PDE3A: variants seen among roughly 807,000 people sequenced by gnomAD.
PDE3A encodes the protein phosphodiesterase 3A.
Under a neutral mutation model 98.3 loss-of-function variants are expected in PDE3A, and 43 were observed. The observed-to-expected ratio is 0.44, with a 90% CI of 0.34 to 0.56. The LOEUF is 0.56. PDE3A is among the 20% of genes least tolerant of loss of function. PDE3A has a pLI of 0.01. For synonymous variants in PDE3A, 663 were observed against 567.9 expected (o/e 1.17, Z -2.38); for missense variants, 1,427 against 1,440.7 (o/e 0.99, Z 0.15).
chr12:20,511,366 G>A (rs1463854667), intron 1 of PDE3A, among the ~76,000 whole-genome samples: 3 of 151,494 alleles, frequency 2.0e-5, no homozygotes, highest in Non-Finnish European at 4.4e-5. Flanking sequence ...AGGAATATAC[G>A]AGAAAAGCTT....
chr12:20,606,660 A>C (rs1477935806), intron 2 of PDE3A, among the ~76,000 whole-genome samples: 1 of 151,818 alleles, frequency 6.6e-6, no homozygotes. Context: ...GGAGTTTGAG[A>C]CCAGCCTAAC....
chr12:20,419,054 T>G (rs1944469419), intron 1 of PDE3A, among the ~76,000 whole-genome samples: 1 of 152,132 alleles, frequency 6.6e-6, no homozygotes, highest in East Asian at 1.9e-4. Context: ...TTCAGATATA[T>G]GTCTGTATAT....
intron 1 of PDE3A, among the ~76,000 whole-genome samples, chr12:20,492,397 C>T (rs571401665): frequency 3.1e-3 from 41 of 13,184 alleles, no homozygotes; most frequent in East Asian, 0.012. Flanking sequence ...TGTCTGGGTT[C>T]GAATCCTGTC....
chr12:20,659,683 T>TAAGA (rs1160559593), intron 15 of PDE3A, among the ~76,000 whole-genome samples: 2 of 152,176 alleles, frequency 1.3e-5, no homozygotes, highest in African/African-American at 4.8e-5. Context: ...GTGATCCTCT[T>TAAGA]GCTTCAGCCT....
intron 1 of PDE3A, among the ~76,000 whole-genome samples, chr12:20,455,602 G>A (rs1233960219): frequency 6.6e-6 from 1 of 152,078 alleles, no homozygotes; most frequent in East Asian, 1.9e-4. Flanking sequence ...TGTTTGTTAT[G>A]GAATTCAGTA....
chr12:20,531,442 A>G (rs549316562), intron 1 of PDE3A, among the ~76,000 whole-genome samples: 1 of 152,306 alleles, frequency 6.6e-6, no homozygotes, highest in East Asian at 1.9e-4. Flanking sequence ...ATCACAATAT[A>G]AGTAGATTTC....
intron 1 of PDE3A, among the ~76,000 whole-genome samples, chr12:20,447,936 C>T (rs933905008): frequency 1.3e-5 from 2 of 152,076 alleles, no homozygotes; most frequent in Non-Finnish European, 2.9e-5. Flanking sequence ...TTAGACGATG[C>T]TCAGCTGGTG....
chr12:20,431,594 AACACACAC>A (rs35221225), intron 1 of PDE3A, among the ~76,000 whole-genome samples: 60 of 146,856 alleles, frequency 4.1e-4, no homozygotes, highest in Admixed American at 8.1e-4. Context: ...TAGTCAGGAA[AACACACAC>A]ACACACACAC....
rs1565483032 is a variant in PDE3A, at chr12:20,686,400, A to G, written c.*6129A>G. On this transcript the variant is annotated 3_prime_UTR_variant, in exon 16 of 16. Transcript: ENST00000359062. Reference sequence around the variant, plus strand: ...CCAAATACTTATCTTTCCTACTAAGAAAAATTAAACCTTACTAATCTTGAC... The same window carrying G: ...CCAAATACTTATCTTTCCTACTAAGGAAAATTAAACCTTACTAATCTTGAC... 6.6e-6 allele frequency among the ~76,000 whole-genome samples: 1 copy of G among 152,174 alleles called. No individual in the cohort carries two copies. Among genetic ancestry groups the G allele is most frequent in the Non-Finnish European group, 1.5e-5 (1 of 68,016 alleles).
Position 20,629,978 on chromosome 12 carries a change from C to T in PDE3A, c.1611C>T (p.Ser537=), listed in dbSNP as rs749470291. 6.2e-7 allele frequency: 1 copy of T among 1,614,070 alleles called. No individual in the cohort carries two copies. The highest frequency in any genetic ancestry group is 8.5e-7 in the Non-Finnish European group (1 of 1,179,960). ...SSPLQGTPAS[S]LVSKISAVQF... is the part of the protein sequence containing the mutation. ...CTCTCCAAGGGACTCCTGCCAGCAG[C>T]CTGGTCAGCAAAATTTCTGCAGTGC... is the stretch of plus-strand genomic sequence containing the variant. Residue 537 remains serine (S), a synonymous_variant, in exon 6 of 16, where the codon AGC becomes AGT. Transcript: ENST00000359062.
intron 1 of PDE3A, among the ~76,000 whole-genome samples, chr12:20,419,830 C>T (rs538254263): frequency 2.0e-5 from 3 of 150,706 alleles, no homozygotes; most frequent in East Asian, 2.0e-4. Flanking sequence ...CATCTGCCTC[C>T]GAGGTTCAAG....
chr12:20,486,382 G>C (rs900462738), intron 1 of PDE3A, among the ~76,000 whole-genome samples: 2 of 152,140 alleles, frequency 1.3e-5, no homozygotes, highest in African/African-American at 4.8e-5. Flanking sequence ...GCATGGGGAA[G>C]CCATCCCCAT....
At chr12:20,384,024 T>A (rs556859083) in intron 1 of PDE3A, among the ~76,000 whole-genome samples, 1 of 152,036 alleles carries the variant, frequency 6.6e-6, no homozygotes, top group East Asian at 1.9e-4. Flanking sequence ...ATTTTAAATA[T>A]ATATTGAAAT....
intron 1 of PDE3A, among the ~76,000 whole-genome samples, chr12:20,555,735 T>C (rs1398197699): frequency 6.6e-6 from 1 of 152,232 alleles, no homozygotes; most frequent in East Asian, 1.9e-4. Context: ...TAGCACTGTA[T>C]GTCTTCAGTA....
chr12:20,631,475 C>T (rs1040266760), intron 6 of PDE3A, among the ~76,000 whole-genome samples: 2 of 152,098 alleles, frequency 1.3e-5, no homozygotes, highest in African/African-American at 2.4e-5. Context: ...GCCCATGGAT[C>T]GAATGTTTGG....
chr12:20,654,386 A>G (rs962839591), intron 15 of PDE3A, among the ~76,000 whole-genome samples, 181 bp downstream of exon 15: 1 of 152,234 alleles, frequency 6.6e-6, no homozygotes. Context: ...TATGGAATCT[A>G]TAATAATAAC....
chr12:20,477,662 A>G (rs1356949129), intron 1 of PDE3A, among the ~76,000 whole-genome samples: 2 of 152,220 alleles, frequency 1.3e-5, no homozygotes, highest in Non-Finnish European at 2.9e-5. Flanking sequence ...ATTTCAAGGT[A>G]ATTAAAACAT....
intron 13 of PDE3A, among the ~76,000 whole-genome samples, chr12:20,649,746 C>T (rs1382826819): frequency 2.0e-5 from 3 of 151,920 alleles, no homozygotes; most frequent in African/African-American, 4.8e-5. Context: ...GCTAATATGG[C>T]GAAACACCAT....
intron 1 of PDE3A, among the ~76,000 whole-genome samples, chr12:20,524,237 G>A (rs368003239): frequency 6.6e-6 from 1 of 152,194 alleles, no homozygotes; most frequent in Non-Finnish European, 1.5e-5. Flanking sequence ...ACAAGTTTTC[G>A]TAGCAGTTGC....
Sources: gnomAD v4.1 joint callset for allele counts (sites outside exome capture counted in the v4.1 genomes callset) on GRCh38, gnomAD v4.1.1 for gene constraint, MANE v1.5 for transcripts, NCBI Gene and HGNC (gene_info 2026-07-23, HGNC 2026-07-21) for gene names.